Variants in KDM7A observed in about 807,000 individuals in gnomAD.
KDM7A encodes lysine demethylase 7A.
Under a neutral mutation model 114.8 loss-of-function variants are expected in KDM7A, and 28 were observed. The observed-to-expected ratio is 0.24, with a 90% confidence interval of 0.18 to 0.33. The LOEUF (loss-of-function observed/expected upper bound fraction) is 0.33, where lower values mean the gene tolerates loss of function less well. Among genes scored for constraint, KDM7A ranks in the 10% least tolerant of loss-of-function variants. The pLI is 1.00. For missense variants in KDM7A, 942 were observed against 1,142.5 expected (o/e 0.82, Z 2.53); for synonymous variants, 423 against 397.8 (o/e 1.06, Z -0.75).
chr7:140,124,601 G>A lies in KDM7A; in HGVS notation c.1051+20C>T. 6.3e-7 allele frequency: 1 copy of A among 1,588,174 alleles called. No individual in the cohort carries two copies. The highest frequency in any genetic ancestry group is 8.6e-7 in the Non-Finnish European group (1 of 1,165,814). On this transcript the variant is annotated intron_variant, in intron 7 of 19. Transcript: ENST00000397560. ...GTGACTATCAATCATGTTGAGTAGG[G>A]GATGGGATGAAAACCTTACCTGTAG...
At chr7:140,150,666 T>A (rs1562958278) in intron 1 of KDM7A, among the ~76,000 whole-genome samples, 1 of 152,152 alleles carries the variant, frequency 6.6e-6, no homozygotes. Flanking sequence ...TGAATGGATA[T>A]AGAATGGAGA....
chr7:140,148,156 T>C (rs1046934398), intron 1 of KDM7A, among the ~76,000 whole-genome samples: 42 of 151,854 alleles, frequency 2.8e-4, no homozygotes, highest in Non-Finnish European at 1.6e-4. Flanking sequence ...TTGGGCTTAG[T>C]ATTTTTTTCT....
chr7:140,139,650 T>C (rs1282033205), intron 1 of KDM7A, among the ~76,000 whole-genome samples: 1 of 152,128 alleles, frequency 6.6e-6, no homozygotes, highest in East Asian at 1.9e-4. Flanking sequence ...GCTATGTATC[T>C]ACCTCAAGAA....
rs1562963855 is a variant in KDM7A at position 140,176,116 on chromosome 7, C to A, written c.194+628G>T. Among the ~76,000 whole-genome samples, 1 of 151,738 alleles carries A rather than the reference C, an allele frequency of 6.6e-6. No homozygotes were observed. The highest frequency in any genetic ancestry group is 2.4e-5 in the African/African-American group (1 of 41,392). On this transcript the variant is annotated intron_variant, in intron 1 of 19. Coordinates refer to ENST00000397560, the MANE Select transcript of KDM7A (RefSeq NM_030647.2). This position sits in a 1 kb window ranked among gnomAD's most constrained non-coding sequence, Gnocchi z 4.4. ...TGCCTCATCTGTTGCTCTGTTTACTCCGCGGAGCCCCGCCGAGCTGGCTGG... is the reference window on the plus strand; with the variant it reads ...TGCCTCATCTGTTGCTCTGTTTACTACGCGGAGCCCCGCCGAGCTGGCTGG...
intron 1 of KDM7A, among the ~76,000 whole-genome samples, chr7:140,164,330 A>G (rs1794551744): frequency 1.3e-5 from 2 of 152,212 alleles, no homozygotes; most frequent in African/African-American, 2.4e-5. Flanking sequence ...CAACAACACT[A>G]TGGAGATTTT....
At chr7:140,169,131 T>C (rs986169797) in intron 1 of KDM7A, among the ~76,000 whole-genome samples, 1 of 152,144 alleles carries the variant, frequency 6.6e-6, no homozygotes, top group Non-Finnish European at 1.5e-5. Flanking sequence ...GGCTCACACA[T>C]ATAGACACGA....
rs1190551149 is a variant in KDM7A, at chr7:140,086,289, A to T, written c.*4805T>A. ...GGTTTTAACAACAAAATGTAATGTT[A>T]TACTTGTTAAGACAAAGTCTTAAGA... On this transcript the variant is annotated 3_prime_UTR_variant, in exon 20 of 20. Transcript: ENST00000397560. 1 of 152,224 alleles carries T rather than the reference A, an allele frequency of 6.6e-6. No individual in the cohort carries two copies. The highest frequency in any genetic ancestry group is 1.5e-5 in the Non-Finnish European group (1 of 68,048). The allele number at this position is 152,224 out of a possible 1,614,324, so 9.4% of individuals were successfully genotyped here.
intron 17 of KDM7A, 37 bp downstream of exon 17, chr7:140,096,518 T>A (rs1459745332): frequency 6.7e-7 from 1 of 1,486,500 alleles, no homozygotes; most frequent in Non-Finnish European, 9.4e-7. Flanking sequence ...GGGCAACATA[T>A]GTTACTTTTT....
chr7:140,098,063 G>A (rs1443188366), intron 14 of KDM7A, among the ~76,000 whole-genome samples: 4 of 152,158 alleles, frequency 2.6e-5, no homozygotes, highest in African/African-American at 4.8e-5. Context: ...AATTCAACAC[G>A]CTTATAAACT....
chr7:140,108,109 G>A (rs951938427), intron 11 of KDM7A, among the ~76,000 whole-genome samples: 30 of 152,128 alleles, frequency 2.0e-4, no homozygotes, highest in Non-Finnish European at 8.8e-5. Context: ...TTTTGCCATG[G>A]TTTTCAGCTC....
intron 12 of KDM7A, 111 bp from the exon 13 acceptor site, chr7:140,100,134 C>G (rs1818177931): frequency 2.6e-6 from 3 of 1,139,222 alleles, no homozygotes; most frequent in African/African-American, 3.1e-5. Context: ...CTCAAAGATA[C>G]AGGCAGCCAC....
At chr7:140,171,500 A>ATT (rs1794638262) in intron 1 of KDM7A, among the ~76,000 whole-genome samples, 1 of 132,150 alleles carries the variant, frequency 7.6e-6, no homozygotes, top group African/African-American at 2.9e-5. Flanking sequence ...ATTTATATAC[A>ATT]TATTTTATAT....
chr7:140,131,182 C>T (rs1482419399), intron 3 of KDM7A, among the ~76,000 whole-genome samples: 1 of 152,030 alleles, frequency 6.6e-6, no homozygotes, highest in Non-Finnish European at 1.5e-5. Context: ...AGTCTTAATA[C>T]TAGGTAGTAA....
At chr7:140,155,507 G>A (rs1794448896) in intron 1 of KDM7A, among the ~76,000 whole-genome samples, 1 of 152,122 alleles carries the variant, frequency 6.6e-6, no homozygotes, top group Admixed American at 6.5e-5. Flanking sequence ...TCCTGGCTAG[G>A]GTCATCCTTT....
chr7:140,105,935 G>A (rs1818329481), intron 11 of KDM7A, among the ~76,000 whole-genome samples: 1 of 151,994 alleles, frequency 6.6e-6, no homozygotes, highest in Non-Finnish European at 1.5e-5. Flanking sequence ...TTTTTTGGGT[G>A]GTAGGCTCTT....
intron 11 of KDM7A, among the ~76,000 whole-genome samples, chr7:140,102,532 G>C (rs952008853): frequency 6.6e-6 from 1 of 152,078 alleles, no homozygotes; most frequent in Non-Finnish European, 1.5e-5. Context: ...ACAGGCGCAC[G>C]CCACTGCACC....
intron 17 of KDM7A, 152 bp downstream of exon 17, chr7:140,096,403 A>G (rs1406649959): frequency 1.6e-6 from 1 of 623,356 alleles, no homozygotes; most frequent in Non-Finnish European, 2.8e-6. Context: ...CTTACGTGAT[A>G]TGTCAGCATT....
intron 1 of KDM7A, among the ~76,000 whole-genome samples, chr7:140,147,824 G>A (rs941977686): frequency 7.2e-5 from 11 of 152,108 alleles, no homozygotes; most frequent in African/African-American, 2.7e-4. Context: ...CATATCAACT[G>A]GCTTCAATGG....
Position 140,119,233 on chromosome 7 carries a change from A to G in KDM7A, c.1140-14T>C. 1 of 1,419,098 alleles carries G rather than the reference A, an allele frequency of 7.0e-7. No homozygotes were observed. The highest frequency in any genetic ancestry group is 1.3e-5 in the South Asian group (1 of 74,144). The allele number at this position is 1,419,098 out of a possible 1,614,324, so 87.9% of individuals were successfully genotyped here. On this transcript the variant is annotated splice_polypyrimidine_tract_variant and intron_variant, in intron 8 of 19. Transcript: ENST00000397560. ...ATCTCATAACACCTAAATGAGTTTG[A>G]AGAAATTTTTAATATTAATATTAGA...
Sources: allele counts gnomAD v4.1 joint callset (sites outside exome capture counted in the v4.1 genomes callset), GRCh38; gene constraint gnomAD v4.1.1; non-coding constraint Gnocchi (gnomAD v3.1); transcripts MANE v1.5; gene names NCBI Gene and HGNC (gene_info 2026-07-23, HGNC 2026-07-21).